The following ASIC2 variants were observed in gnomAD, a reference collection of about 807,000 sequenced individuals.
ASIC2 encodes the protein acid sensing ion channel subunit 2, also known as acid-sensing ion channel 2.
ASIC2 carries 25 observed loss-of-function variants against 57.3 expected under a neutral mutation model. That is an observed-to-expected ratio of 0.44 (90% CI 0.32 to 0.61). The LOEUF is 0.61. Among genes scored for constraint, ASIC2 ranks in the 20% least tolerant of loss-of-function variants. The pLI, the probability that ASIC2 is intolerant of heterozygous loss-of-function variation, is 0.06. For missense variants in ASIC2, 641 were observed against 738.1 expected, an observed-to-expected ratio of 0.87 and a Z score of 1.52; for synonymous variants, 319 against 307.5, an observed-to-expected ratio of 1.04 and a Z score of -0.39.
At position 33,293,241 on chromosome 17, in the gene ASIC2, C is replaced by G. The variant is rs374473927; in HGVS notation, c.-1126G>C. On this transcript the variant is annotated 5_prime_UTR_variant, in exon 1 of 10. Transcript: ENST00000225823. Reference sequence around the variant, plus strand: ...GAACTTGGGCAGCGGCCGCGCGACGCTGGCGCGGCTGGGCTCCGAGCACCT... The same window carrying G: ...GAACTTGGGCAGCGGCCGCGCGACGGTGGCGCGGCTGGGCTCCGAGCACCT... 3.0e-4 allele frequency among the ~76,000 whole-genome samples: 45 copies of G among 152,148 alleles called. No individual in the cohort carries two copies. Among genetic ancestry groups the G allele is most frequent in the Middle Eastern group, 3.4e-3 (1 of 292 alleles).
rs537020578 is a variant in ASIC2, at chr17:33,891,550, C to T, written c.555+264428G>A. Among the ~76,000 whole-genome samples, 19 of 152,172 alleles carry T rather than the reference C, an allele frequency of 1.2e-4. No homozygotes were observed. In the South Asian group the frequency reaches 4.0e-3, roughly 32 times the overall value. On this transcript the variant is annotated intron_variant, in intron 1 of 9. Transcript: ENST00000359872. ...CAGGATCAACACTCAGGTTTCAGGC[C>T]CAGAAAAAAACTAACTTTTCTTTGA...
At chr17:33,988,733 T>G (rs1597964184) in intron 1 of ASIC2, among the ~76,000 whole-genome samples, 1 of 151,954 alleles carries the variant, frequency 6.6e-6, no homozygotes, top group East Asian at 1.9e-4. Context: ...CTCACAGGCC[T>G]GCCCTGAAGC....
At chr17:33,981,815 C>A (rs768036325) in intron 1 of ASIC2, among the ~76,000 whole-genome samples, 1 of 152,162 alleles carries the variant, frequency 6.6e-6, no homozygotes, top group Non-Finnish European at 1.5e-5. Context: ...TTATTTGTAT[C>A]CCTATGTTAT....
intron 1 of ASIC2, among the ~76,000 whole-genome samples, chr17:33,962,135 C>A (rs756378241): frequency 1.3e-5 from 2 of 152,128 alleles, no homozygotes; most frequent in Non-Finnish European, 2.9e-5. Context: ...GTGGGCCTGC[C>A]AAACACCAAC....
chr17:33,031,023 TA>T (rs2091880892), intron 3 of ASIC2, among the ~76,000 whole-genome samples: 1 of 152,198 alleles, frequency 6.6e-6, no homozygotes, highest in East Asian at 1.9e-4. Context: ...GCTGACCTCA[TA>T]AAATTAGTTA....
At chr17:33,864,940 C>G (rs1849437219) in intron 1 of ASIC2, among the ~76,000 whole-genome samples, 1 of 152,026 alleles carries the variant, frequency 6.6e-6, no homozygotes, top group African/African-American at 2.4e-5. Flanking sequence ...GACCAGATGT[C>G]CGTGGAATCA....
At chr17:33,217,461 T>G (rs1408582567) in intron 1 of ASIC2, among the ~76,000 whole-genome samples, 13 of 152,238 alleles carry the variant, frequency 8.5e-5, no homozygotes, top group Non-Finnish European at 4.4e-5. Context: ...GCGTAGTCTA[T>G]TTCCCATCAT....
chr17:33,475,244 C>A (rs958698770), intron 1 of ASIC2, among the ~76,000 whole-genome samples: 1 of 151,968 alleles, frequency 6.6e-6, no homozygotes, highest in African/African-American at 2.4e-5. Flanking sequence ...ACATCCCCAC[C>A]CCCCAGTATT....
At chr17:33,021,572 A>C (rs537032302) in intron 6 of ASIC2, among the ~76,000 whole-genome samples, 1 of 152,342 alleles carries the variant, frequency 6.6e-6, no homozygotes, top group Non-Finnish European at 1.5e-5. Context: ...CACCCTATGC[A>C]GGAGTCCTGC....
At chr17:34,018,434 A>T (rs1907043000) in intron 1 of ASIC2, among the ~76,000 whole-genome samples, 1 of 152,250 alleles carries the variant, frequency 6.6e-6, no homozygotes, top group Non-Finnish European at 1.5e-5. Context: ...CACAACAATC[A>T]TTCTGCAGCC....
chr17:34,130,833 G>A (rs1271054218), intron 1 of ASIC2, among the ~76,000 whole-genome samples: 1 of 152,206 alleles, frequency 6.6e-6, no homozygotes, highest in Non-Finnish European at 1.5e-5. Flanking sequence ...GGGTTTCAGG[G>A]GAAGGGAAGC....
intron 3 of ASIC2, among the ~76,000 whole-genome samples, chr17:33,046,994 C>G (rs565471868): frequency 6.6e-6 from 1 of 152,258 alleles, no homozygotes; most frequent in Admixed American, 6.5e-5. Context: ...TCCCTGCACT[C>G]GTGATGCCGC....
intron 1 of ASIC2, among the ~76,000 whole-genome samples, chr17:33,453,278 GC>G (rs1318413142): frequency 8.8e-6 from 1 of 113,072 alleles, no homozygotes; most frequent in East Asian, 2.8e-4. Context: ...TTTCTACAAA[GC>G]AGGTGAAAAA....
At chr17:33,761,495 C>A (rs954594104) in intron 1 of ASIC2, among the ~76,000 whole-genome samples, 1 of 152,110 alleles carries the variant, frequency 6.6e-6, no homozygotes, top group Non-Finnish European at 1.5e-5. Context: ...AAGGATCTTG[C>A]TGCAGATGTG....
Position 33,575,788 on chromosome 17 carries a change from G to C in ASIC2, c.556-463721C>G, listed in dbSNP as rs142173410. 1.3e-4 allele frequency among the ~76,000 whole-genome samples: 20 copies of C among 152,256 alleles called. No homozygotes were observed. In the East Asian group the frequency reaches 3.9e-3, roughly 29 times the overall value. On this transcript the variant is annotated intron_variant, in intron 1 of 9. Coordinates refer to the ASIC2 transcript ENST00000359872. ...GGTAGGTTTCATGGGCAGAGGGGCAGGCTATCAGCAAGCAGGGCCCCCCTT... is the reference window on the plus strand; with the variant it reads ...GGTAGGTTTCATGGGCAGAGGGGCACGCTATCAGCAAGCAGGGCCCCCCTT...
intron 1 of ASIC2, among the ~76,000 whole-genome samples, chr17:33,806,076 T>A (rs1257268390): frequency 2.0e-5 from 3 of 150,374 alleles, no homozygotes; most frequent in Non-Finnish European, 3.0e-5. Flanking sequence ...CCGCAGGGGC[T>A]CCCATGTCCC....
chr17:33,902,166 GC>G (rs1407551124), intron 1 of ASIC2, among the ~76,000 whole-genome samples: 1 of 152,132 alleles, frequency 6.6e-6, no homozygotes, highest in Non-Finnish European at 1.5e-5. Context: ...AGGATCTCCT[GC>G]AGCAGGAGAT....
At chr17:33,579,441 CG>C (rs1348266709) in intron 1 of ASIC2, among the ~76,000 whole-genome samples, 10 of 151,930 alleles carry the variant, frequency 6.6e-5, no homozygotes, top group Non-Finnish European at 1.2e-4. Context: ...ACTAGGGCTG[CG>C]GGGTACCCAT....
At chr17:33,507,522 A>AT (rs1431775916) in intron 1 of ASIC2, among the ~76,000 whole-genome samples, 1 of 152,172 alleles carries the variant, frequency 6.6e-6, no homozygotes, top group African/African-American at 2.4e-5. Flanking sequence ...CAGAGAGTAA[A>AT]TATTTTAGGC....
Sources: allele counts gnomAD v4.1 joint callset (sites outside exome capture counted in the v4.1 genomes callset), GRCh38; gene constraint gnomAD v4.1.1; transcripts MANE v1.5; gene names NCBI Gene and HGNC (gene_info 2026-07-23, HGNC 2026-07-21).